Variants in CTNND2 observed in about 807,000 individuals in gnomAD.
CTNND2 encodes catenin delta 2, also known as catenin delta-2.
CTNND2 carries 22 observed loss-of-function variants against 144.4 expected under a neutral mutation model. That is an observed-to-expected ratio of 0.15 (90% CI 0.11 to 0.22). The LOEUF is 0.22. CTNND2 is among the 10% of genes least tolerant of loss of function. CTNND2 has a pLI of 1.00. For synonymous variants in CTNND2, 751 were observed against 695.6 expected (o/e 1.08, Z -1.25); for missense variants, 1,353 against 1,618.8 (o/e 0.84, Z 2.82).
chr5:11,417,185 G>A (rs749726886), intron 3 of CTNND2, among the ~76,000 whole-genome samples: 21 of 152,108 alleles, frequency 1.4e-4, no homozygotes, highest in Non-Finnish European at 5.9e-5. Flanking sequence ...TAAAACCAAG[G>A]TAAAAAGATG....
intron 12 of CTNND2, among the ~76,000 whole-genome samples, chr5:11,128,747 A>ATATTATATATC (rs1754956292): frequency 1.6e-5 from 1 of 64,150 alleles, no homozygotes; most frequent in Non-Finnish European, 2.4e-5. Context: ...ATATTTATAT[A>ATATTATATATC]TATTATATAT....
intron 16 of CTNND2, among the ~76,000 whole-genome samples, chr5:11,071,469 G>A (rs1183533528): frequency 6.6e-6 from 1 of 152,134 alleles, no homozygotes; most frequent in African/African-American, 2.4e-5. Flanking sequence ...GAACCTCGGA[G>A]GCTGAGGTTG....
intron 18 of CTNND2, among the ~76,000 whole-genome samples, chr5:11,014,254 AG>A (rs1741382931): frequency 6.6e-6 from 1 of 152,168 alleles, no homozygotes. Context: ...CCATCCTGAC[AG>A]TTCCCCAACC....
intron 1 of CTNND2, among the ~76,000 whole-genome samples, chr5:11,880,545 A>G (rs939955549): frequency 8.8e-5 from 11 of 125,338 alleles, no homozygotes; most frequent in African/African-American, 3.2e-4. Flanking sequence ...CACCACTACT[A>G]CTACCACTAC....
At chr5:11,372,034 C>T (rs1026939084) in intron 7 of CTNND2, among the ~76,000 whole-genome samples, 1 of 152,176 alleles carries the variant, frequency 6.6e-6, no homozygotes, top group East Asian at 1.9e-4. Context: ...TCACTAATAA[C>T]TTGAATACTA....
rs145282985 is a variant in CTNND2, at chr5:11,556,837, C to A, written c.287+8107G>T. ...AGCAAGCAACTGTTAATATTTATTA[C>A]GTTTTATCCTTTTAGGTGTAGCTAA... On this transcript the variant is annotated intron_variant, in intron 3 of 21. Coordinates refer to ENST00000304623, the MANE Select transcript of CTNND2 (RefSeq NM_001332.4). Among the ~76,000 whole-genome samples, 406 of 152,158 alleles carry A rather than the reference C, an allele frequency of 2.7e-3. 3 individuals carry two copies. The highest frequency in any genetic ancestry group is 9.4e-3 in the African/African-American group (391 of 41,486).
chr5:11,286,270 G>A (rs1241767908), intron 9 of CTNND2, among the ~76,000 whole-genome samples: 1 of 152,002 alleles, frequency 6.6e-6, no homozygotes, highest in African/African-American at 2.4e-5. Flanking sequence ...CCAGTTGGAA[G>A]AATTTATAAG....
At chr5:11,393,035 T>G (rs1759771055) in intron 6 of CTNND2, among the ~76,000 whole-genome samples, 1 of 152,164 alleles carries the variant, frequency 6.6e-6, no homozygotes, top group Non-Finnish European at 1.5e-5. Context: ...TGTGCACCAA[T>G]AAGCAATGTT....
At chr5:11,830,785 C>A (rs560420187) in intron 1 of CTNND2, among the ~76,000 whole-genome samples, 1 of 152,140 alleles carries the variant, frequency 6.6e-6, no homozygotes. Context: ...GGACTCCTTA[C>A]GCACCTCCAG....
chr5:11,740,488 T>C (rs1440857999), intron 1 of CTNND2, among the ~76,000 whole-genome samples: 1 of 152,216 alleles, frequency 6.6e-6, no homozygotes, highest in East Asian at 1.9e-4. Flanking sequence ...GCTAGCCATA[T>C]GTAGAAAGCT....
Position 11,022,965 on chromosome 5 carries a change from G to A in CTNND2, c.2803C>T (p.Arg935Ter). 1 of 1,614,102 alleles carries A rather than the reference G, an allele frequency of 6.2e-7. No homozygotes were observed. Among genetic ancestry groups the A allele is most frequent in the Non-Finnish European group, 8.5e-7 (1 of 1,179,970 alleles). The change falls in exon 17 of 22, where the codon CGA becomes TGA. Residue 935 changes from arginine to a stop codon, truncating the protein, a stop_gained. Coordinates refer to ENST00000304623, the MANE Select transcript of CTNND2 (RefSeq NM_001332.4). LOFTEE classifies it high-confidence loss of function. ...CCTGGAAGCCTGTGGACTAGGTCTCGCATGGCGTATTTGCCTGGAAAAGAA... is the reference window on the plus strand; with the variant it reads ...CCTGGAAGCCTGTGGACTAGGTCTCACATGGCGTATTTGCCTGGAAAAGAA... ...NKELIGKYAM[R>*]DLVHRLPGGN...
At chr5:11,021,567 TTA>T (rs1742259991) in intron 17 of CTNND2, among the ~76,000 whole-genome samples, 1 of 152,176 alleles carries the variant, frequency 6.6e-6, no homozygotes, top group South Asian at 2.1e-4. Context: ...TGCGCAATTA[TTA>T]TATGAGTCCA....
In CTNND2 at chr5:11,510,473, G is replaced by A. The variant is rs923678662; in HGVS notation, c.287+54471C>T. On this transcript the variant is annotated intron_variant, in intron 3 of 21. Coordinates refer to ENST00000304623, the MANE Select transcript of CTNND2 (RefSeq NM_001332.4). ...TTGTCTAGGTATCACTTCTGACAAC[G>A]TTTACCTTGTGGTTTTATTTGTACA... 6.6e-5 allele frequency among the ~76,000 whole-genome samples: 10 copies of A among 152,132 alleles called. 1 individual carries two copies. Among genetic ancestry groups the A allele is most frequent in the Admixed American group, 5.2e-4 (8 of 15,286 alleles).
chr5:11,064,300 C>T (rs903044444), intron 16 of CTNND2, among the ~76,000 whole-genome samples: 4 of 152,106 alleles, frequency 2.6e-5, no homozygotes, highest in Admixed American at 6.5e-5. Context: ...GAATCTCACA[C>T]GCCTTGGAAT....
intron 2 of CTNND2, among the ~76,000 whole-genome samples, chr5:11,692,017 A>G (rs1025940637): frequency 2.6e-5 from 4 of 152,246 alleles, no homozygotes; most frequent in Non-Finnish European, 5.9e-5. Context: ...AAGGTTACAT[A>G]GCTAATCAAC....
chr5:11,643,099 C>T (rs979030516), intron 2 of CTNND2, among the ~76,000 whole-genome samples: 6 of 152,282 alleles, frequency 3.9e-5, no homozygotes, highest in Admixed American at 6.5e-5. Context: ...TCTATGTAAG[C>T]ACTTGGCAGT....
At chr5:11,864,806 T>C (rs1321003005) in intron 1 of CTNND2, among the ~76,000 whole-genome samples, 3 of 150,390 alleles carry the variant, frequency 2.0e-5, no homozygotes, top group Non-Finnish European at 4.4e-5. Context: ...GGCAAAACTG[T>C]CTCCACTTGA....
intron 1 of CTNND2, among the ~76,000 whole-genome samples, chr5:11,740,716 T>C (rs1260120763): frequency 2.6e-5 from 4 of 152,176 alleles, no homozygotes; most frequent in Non-Finnish European, 5.9e-5. Flanking sequence ...AAAGAGCTTA[T>C]GCATAGCAAA....
chr5:11,756,965 A>G (rs1277807093), intron 1 of CTNND2, among the ~76,000 whole-genome samples: 2 of 151,720 alleles, frequency 1.3e-5, no homozygotes, highest in African/African-American at 4.8e-5. Context: ...AATTCATAGT[A>G]CCATTATAAA....
Sources: allele counts gnomAD v4.1 joint callset (sites outside exome capture counted in the v4.1 genomes callset), GRCh38; gene constraint gnomAD v4.1.1; transcripts MANE v1.5; gene names NCBI Gene and HGNC (gene_info 2026-07-23, HGNC 2026-07-21).